Variants in FBXL17 observed in about 807,000 individuals in gnomAD.
FBXL17 encodes F-box/LRR-repeat protein 17.
In FBXL17, 22 loss-of-function variants were observed where a neutral mutation model predicts 66.2. The ratio of observed to expected loss-of-function variants is 0.33; its 90% confidence interval spans 0.24 to 0.47. FBXL17 has a LOEUF of 0.47. Ranked by LOEUF, FBXL17 falls within the 20% of genes least tolerant of loss-of-function variation. The pLI is 1.00. For missense variants in FBXL17, 878 were observed against 948.2 expected, an observed-to-expected ratio of 0.93 and a Z score of 0.97; for synonymous variants, 474 against 400.5, an observed-to-expected ratio of 1.18 and a Z score of -2.19.
intron 3 of FBXL17, among the ~76,000 whole-genome samples, chr5:108,359,575 TATTTA>T (rs1434628952): frequency 2.0e-5 from 3 of 152,326 alleles, no homozygotes; most frequent in South Asian, 2.1e-4. Context: ...AAGACTCTGT[TATTTA>T]ATTTCTACAT....
chr5:107,906,651 G>A (rs1317267427), intron 7 of FBXL17, among the ~76,000 whole-genome samples: 3 of 152,050 alleles, frequency 2.0e-5, no homozygotes, highest in Non-Finnish European at 4.4e-5. Flanking sequence ...CATACCACTG[G>A]GTAATCAGAT....
intron 7 of FBXL17, among the ~76,000 whole-genome samples, chr5:107,957,587 C>T (rs144321512): frequency 1.8e-3 from 267 of 152,186 alleles, no homozygotes; most frequent in Non-Finnish European, 3.1e-3. Context: ...ATGACATATG[C>T]GTTCTAAATT....
chr5:108,163,408 T>TG (rs1752292138), intron 6 of FBXL17, among the ~76,000 whole-genome samples: 2 of 73,192 alleles, frequency 2.7e-5, no homozygotes, highest in Admixed American at 3.8e-4. Context: ...TCTTTTTTTT[T>TG]TTTTTTTTTT....
intron 6 of FBXL17, among the ~76,000 whole-genome samples, chr5:108,031,469 C>T (rs934375533): frequency 6.6e-6 from 1 of 151,930 alleles, no homozygotes; most frequent in African/African-American, 2.4e-5. Context: ...AAGAGGGAAG[C>T]ATGGTAATTT....
At chr5:108,340,814 A>G (rs1384662028) in intron 4 of FBXL17, among the ~76,000 whole-genome samples, 2 of 152,202 alleles carry the variant, frequency 1.3e-5, no homozygotes, top group Non-Finnish European at 2.9e-5. Flanking sequence ...TTGAATGTCT[A>G]TTATATTCCA....
intron 7 of FBXL17, among the ~76,000 whole-genome samples, chr5:107,943,654 T>C (rs962114865): frequency 1.3e-5 from 2 of 152,036 alleles, no homozygotes; most frequent in Non-Finnish European, 2.9e-5. Flanking sequence ...CAAATAATGA[T>C]GGTGCAGGGT....
chr5:107,981,900 C>A (rs1368077850), intron 7 of FBXL17, among the ~76,000 whole-genome samples: 1 of 152,124 alleles, frequency 6.6e-6, no homozygotes, highest in Admixed American at 6.5e-5. Context: ...CACAATGCCT[C>A]CCTATGGATA....
rs192800761 is a variant in FBXL17, at chr5:107,979,435, C to T, written c.1822+41490G>A. 3.9e-5 allele frequency among the ~76,000 whole-genome samples: 6 copies of T among 152,324 alleles called. No homozygotes were observed. The East Asian group carries it at 1.2e-3, about 29-fold the overall frequency. ...GGTAACCACACAAAGTAAACATCCA[C>T]CTACCCATTAGTGCCAGTAATTATT... is the stretch of plus-strand genomic sequence containing the variant. On this transcript the variant is annotated intron_variant, in intron 7 of 8. Transcript: ENST00000542267.
At chr5:108,371,745 A>C (rs900095765) in intron 1 of FBXL17, among the ~76,000 whole-genome samples, 3 of 152,246 alleles carry the variant, frequency 2.0e-5, no homozygotes, top group Non-Finnish European at 4.4e-5. Flanking sequence ...AATAAATCAA[A>C]TAAGAATTAT....
intron 5 of FBXL17, among the ~76,000 whole-genome samples, chr5:108,210,226 G>A (rs1465526687): frequency 6.6e-6 from 1 of 151,756 alleles, no homozygotes; most frequent in African/African-American, 2.4e-5. Context: ...TCTGGCTTGT[G>A]GTCTATCTAT....
intron 4 of FBXL17, among the ~76,000 whole-genome samples, chr5:108,281,885 T>C (rs921153680): frequency 2.0e-5 from 3 of 151,842 alleles, no homozygotes; most frequent in South Asian, 2.1e-4. Flanking sequence ...CATACACTTA[T>C]ATGCTCACAA....
intron 6 of FBXL17, among the ~76,000 whole-genome samples, chr5:108,086,089 T>A (rs1036681046): frequency 2.6e-5 from 4 of 152,176 alleles, no homozygotes; most frequent in African/African-American, 9.7e-5. Context: ...GAAACTGGAA[T>A]TCCTCAATCC....
At chr5:108,031,981 A>C (rs1450744329) in intron 6 of FBXL17, among the ~76,000 whole-genome samples, 1 of 152,188 alleles carries the variant, frequency 6.6e-6, no homozygotes, top group Non-Finnish European at 1.5e-5. Context: ...TAACGTTTGC[A>C]AAGACACTTT....
chr5:107,929,859 T>C (rs143734124), intron 7 of FBXL17, among the ~76,000 whole-genome samples: 1 of 152,186 alleles, frequency 6.6e-6, no homozygotes, highest in East Asian at 1.9e-4. Context: ...GAGCTAGCAA[T>C]TGCAAAATTT....
intron 7 of FBXL17, among the ~76,000 whole-genome samples, chr5:107,888,900 T>TA (rs367809333): frequency 2.6e-5 from 4 of 152,286 alleles, no homozygotes; most frequent in East Asian, 1.9e-4. Context: ...TTAACTTTAT[T>TA]AAAAAAACTG....
intron 4 of FBXL17, among the ~76,000 whole-genome samples, chr5:108,283,120 A>T (rs1287512119): frequency 6.6e-6 from 1 of 151,828 alleles, no homozygotes; most frequent in Non-Finnish European, 1.5e-5. Context: ...TCAAATTACC[A>T]ATGTCATTTT....
At chr5:108,047,024 G>T (rs1167022966) in intron 6 of FBXL17, among the ~76,000 whole-genome samples, 4 of 152,038 alleles carry the variant, frequency 2.6e-5, no homozygotes, top group Non-Finnish European at 4.4e-5. Context: ...ATTGGGTGGG[G>T]CCAAGATGGC....
rs750630925 is a variant in FBXL17 at position 108,011,695 on chromosome 5, G to A, written c.1822+9230C>T. Among the ~76,000 whole-genome samples, 47 of 152,270 alleles carry A rather than the reference G, an allele frequency of 3.1e-4. No homozygotes were observed. The Middle Eastern group carries it at 0.01, about 33-fold the overall frequency. ...TAAAATTAGCCGGTCATGGTGGTAC[G>A]TGCCTGTAATCCCAGCTACTGGGGA... On this transcript the variant is annotated intron_variant, in intron 7 of 8. Coordinates refer to ENST00000542267, the MANE Select transcript of FBXL17 (RefSeq NM_001163315.3).
chr5:108,369,505 G>A (rs894452439), intron 1 of FBXL17, among the ~76,000 whole-genome samples: 2 of 152,140 alleles, frequency 1.3e-5, no homozygotes, highest in South Asian at 2.1e-4. Context: ...GACTGCTTTC[G>A]TCAACACTGG....
Sources: allele counts gnomAD v4.1 joint callset (sites outside exome capture counted in the v4.1 genomes callset), GRCh38; gene constraint gnomAD v4.1.1; transcripts MANE v1.5; gene names NCBI Gene and HGNC (gene_info 2026-07-23, HGNC 2026-07-21).